LHFPL6: variants seen among roughly 807,000 people sequenced by gnomAD.
LHFPL6 encodes LHFPL tetraspan subfamily member 6 protein.
In LHFPL6, 9 loss-of-function variants were observed where a neutral mutation model predicts 20.6. The ratio of observed to expected loss-of-function variants is 0.44; its 90% CI spans 0.26 to 0.76. The LOEUF is 0.76. LHFPL6 is among the 30% of genes least tolerant of loss of function. LHFPL6 has a pLI of 0.20. For missense variants in LHFPL6, 218 were observed against 253.5 expected (o/e 0.86, Z 0.95); for synonymous variants, 105 against 98.7 (o/e 1.06, Z -0.38).
intron 2 of LHFPL6, among the ~76,000 whole-genome samples, chr13:39,594,659 C>T (rs1872715169): frequency 6.6e-6 from 1 of 152,328 alleles, no homozygotes; most frequent in Admixed American, 6.5e-5. Context: ...TATAAAGACA[C>T]ATGCACACAT....
chr13:39,493,985 C>T (rs9532382), intron 2 of LHFPL6, among the ~76,000 whole-genome samples: 76,371 of 152,132 alleles, frequency 0.5, 19,883 homozygotes, highest in Admixed American at 0.56. Flanking sequence ...GCAAGGTGAC[C>T]TAGCTTTAAA....
chr13:39,407,578 T>TA (rs1273088930), intron 2 of LHFPL6, among the ~76,000 whole-genome samples: 1 of 152,224 alleles, frequency 6.6e-6, no homozygotes, highest in Admixed American at 6.5e-5. Context: ...GAAAATGACT[T>TA]AGAAATGCTT....
intron 2 of LHFPL6, among the ~76,000 whole-genome samples, chr13:39,469,121 A>G (rs1593324872): frequency 6.6e-6 from 1 of 152,222 alleles, no homozygotes; most frequent in East Asian, 1.9e-4. Context: ...TCTTGCCAGT[A>G]GAGCTGCCCT....
At chr13:39,491,984 T>C (rs1238324822) in intron 2 of LHFPL6, among the ~76,000 whole-genome samples, 4 of 152,220 alleles carry the variant, frequency 2.6e-5, no homozygotes, top group Non-Finnish European at 5.9e-5. Flanking sequence ...TTTCTCAAAA[T>C]GTTTGGCATG....
chr13:39,474,184 T>G (rs1363344803), intron 2 of LHFPL6, among the ~76,000 whole-genome samples: 1 of 152,242 alleles, frequency 6.6e-6, no homozygotes, highest in Non-Finnish European at 1.5e-5. Flanking sequence ...TTCTGTAGCT[T>G]CTGGTCTGTG....
intron 3 of LHFPL6, among the ~76,000 whole-genome samples, chr13:39,362,020 G>A (rs868579218): frequency 3.3e-5 from 5 of 152,294 alleles, no homozygotes; most frequent in African/African-American, 1.2e-4. Flanking sequence ...GTATTATTCT[G>A]TAGCTTTTCT....
chr13:39,447,325 TTC>T (rs1464804371), intron 2 of LHFPL6, among the ~76,000 whole-genome samples: 13 of 152,324 alleles, frequency 8.5e-5, no homozygotes, highest in Non-Finnish European at 1.9e-4. Flanking sequence ...TTTTTAAGCT[TTC>T]TCTTGCTGTT....
intron 1 of LHFPL6, 81 bp downstream of exon 1, chr13:39,602,802 A>C (rs538665999): frequency 1.5e-3 from 234 of 152,304 alleles, no homozygotes; most frequent in Non-Finnish European, 2.7e-3. Context: ...GAGCAGCCCA[A>C]CTCCGGCTCC....
In LHFPL6 at chr13:39,418,880, T is replaced by C. The variant is rs192751427; in HGVS notation, c.386-40354A>G. Reference sequence around the variant, plus strand: ...AGCATGTAAAGAATCCCATTCATCCTGAGCTGCCTGGGAGATAAAGGTGGG... The same window carrying C: ...AGCATGTAAAGAATCCCATTCATCCCGAGCTGCCTGGGAGATAAAGGTGGG... On this transcript the variant is annotated intron_variant, in intron 2 of 3. Coordinates refer to ENST00000379589, the MANE Select transcript of LHFPL6 (RefSeq NM_005780.3). Among the ~76,000 whole-genome samples, 262 of 152,344 alleles carry C rather than the reference T, an allele frequency of 1.7e-3. 1 individual carries two copies. The highest frequency in any genetic ancestry group is 2.9e-3 in the Admixed American group (45 of 15,304).
intron 2 of LHFPL6, among the ~76,000 whole-genome samples, chr13:39,555,073 A>G (rs754982217): frequency 6.6e-6 from 1 of 152,210 alleles, no homozygotes; most frequent in Non-Finnish European, 1.5e-5. Flanking sequence ...ATAAAAGATT[A>G]CGAACAAGGC....
chr13:39,492,913 C>A (rs1868975329), intron 2 of LHFPL6, among the ~76,000 whole-genome samples: 1 of 152,000 alleles, frequency 6.6e-6, no homozygotes, highest in Admixed American at 6.5e-5. Flanking sequence ...TTCCCGACCT[C>A]AGGTGATCCT....
At chr13:39,419,232 T>C (rs994940090) in intron 2 of LHFPL6, among the ~76,000 whole-genome samples, 1 of 152,144 alleles carries the variant, frequency 6.6e-6, no homozygotes, top group Admixed American at 6.5e-5. Flanking sequence ...GTGAAAAAAA[T>C]GGCAAATAAT....
chr13:39,390,623 C>T (rs1421288291), intron 2 of LHFPL6, among the ~76,000 whole-genome samples: 1 of 152,226 alleles, frequency 6.6e-6, no homozygotes, highest in Non-Finnish European at 1.5e-5. Context: ...GGCTACCAGA[C>T]TTCCCCACTA....
intron 2 of LHFPL6, among the ~76,000 whole-genome samples, chr13:39,545,706 T>A (rs897821278): frequency 5.3e-5 from 8 of 152,116 alleles, no homozygotes; most frequent in Non-Finnish European, 1.2e-4. Flanking sequence ...AAATCATATC[T>A]ACATTACTTA....
At chr13:39,420,670 G>A (rs1871459715) in intron 2 of LHFPL6, among the ~76,000 whole-genome samples, 1 of 152,182 alleles carries the variant, frequency 6.6e-6, no homozygotes, top group Admixed American at 6.5e-5. Flanking sequence ...ACTTTCAAGA[G>A]GCTGTTTGAA....
intron 2 of LHFPL6, among the ~76,000 whole-genome samples, chr13:39,573,929 G>A (rs1040557319): frequency 2.0e-5 from 3 of 151,878 alleles, no homozygotes; most frequent in Non-Finnish European, 2.9e-5. Flanking sequence ...GTTTACATAC[G>A]GGTCCAAGGC....
intron 3 of LHFPL6, among the ~76,000 whole-genome samples, chr13:39,364,806 C>T (rs1869969383): frequency 6.6e-6 from 1 of 152,118 alleles, no homozygotes; most frequent in African/African-American, 2.4e-5. Flanking sequence ...GCCACTTACA[C>T]ACAAAAAATG....
rs1300033793 is a variant in LHFPL6, at chr13:39,431,782, T to C, written c.386-53256A>G. 2.6e-5 allele frequency among the ~76,000 whole-genome samples: 4 copies of C among 151,870 alleles called. No individual in the cohort carries two copies. In the East Asian group the frequency reaches 7.7e-4, roughly 29 times the overall value. On this transcript the variant is annotated intron_variant, in intron 2 of 3. Transcript: ENST00000379589. ...GTCAGCAAACCTGTTTGTTCTATTT[T>C]AAAAATATTTAACCATTTCTCACCA...
chr13:39,570,252 C>G (rs116889114), intron 2 of LHFPL6, among the ~76,000 whole-genome samples: 3 of 152,160 alleles, frequency 2.0e-5, no homozygotes, highest in Non-Finnish European at 2.9e-5. Flanking sequence ...GGCAATCTCT[C>G]ATCTCAGCCT....
Sources: gnomAD v4.1 joint callset for allele counts (sites outside exome capture counted in the v4.1 genomes callset) on GRCh38, gnomAD v4.1.1 for gene constraint, MANE v1.5 for transcripts, NCBI Gene and HGNC (gene_info 2026-07-23, HGNC 2026-07-21) for gene names.